The following THSD7B variants were observed in gnomAD, a reference collection of about 807,000 sequenced individuals.
THSD7B encodes thrombospondin type 1 domain containing 7B.
In THSD7B, 138 loss-of-function variants were observed where a neutral mutation model predicts 213.6. The observed-to-expected ratio is 0.65, with a 90% CI of 0.56 to 0.74. The LOEUF (loss-of-function observed/expected upper bound fraction) is 0.74, where lower values mean the gene tolerates loss of function less well. Among genes scored for constraint, THSD7B ranks in the 30% least tolerant of loss-of-function variants. The pLI is 0.00. For missense variants in THSD7B, 1,931 were observed against 1,991.5 expected, an observed-to-expected ratio of 0.97 and a Z score of 0.58; for synonymous variants, 742 against 687.0, an observed-to-expected ratio of 1.08 and a Z score of -1.25.
chr2:136,895,344 T>G (rs978035118), intron 2 of THSD7B, among the ~76,000 whole-genome samples: 5 of 152,010 alleles, frequency 3.3e-5, no homozygotes, highest in Admixed American at 2.6e-4. Context: ...TGAAAAGGTC[T>G]TAGGTTTTCT....
intron 2 of THSD7B, among the ~76,000 whole-genome samples, chr2:136,959,405 C>T (rs895318410): frequency 1.3e-5 from 2 of 152,202 alleles, no homozygotes; most frequent in Non-Finnish European, 2.9e-5. Flanking sequence ...CACTCATGTC[C>T]TTCCTAGTTT....
chr2:136,890,303 C>CAT lies in THSD7B; in HGVS notation c.139+7986_139+7987insAT. Among the ~76,000 whole-genome samples, 2 of 5,162 alleles carry CAT rather than the reference C, an allele frequency of 3.9e-4. 1 individual carries two copies. Among genetic ancestry groups the CAT allele is most frequent in the Non-Finnish European group, 9.8e-4 (2 of 2,048 alleles). 3.4% of individuals were successfully genotyped at this position (5,162 alleles called of 152,430 possible). ...TGCTCATTCATGTCCATGTCCTACT[C>CAT]CTTCTTCTTCTTCTTCTTCTTCTTC... On this transcript the variant is annotated intron_variant, in intron 2 of 27. Coordinates refer to ENST00000409968, the MANE Select transcript of THSD7B (RefSeq NM_001316349.2).
chr2:137,177,336 A>G (rs1406984978), intron 7 of THSD7B, among the ~76,000 whole-genome samples: 1 of 152,094 alleles, frequency 6.6e-6, no homozygotes, highest in Non-Finnish European at 1.5e-5. Flanking sequence ...TCTTATTTTC[A>G]TTTTTTAGTT....
At chr2:137,274,176 C>G (rs1462653425) in intron 11 of THSD7B, among the ~76,000 whole-genome samples, 1 of 152,104 alleles carries the variant, frequency 6.6e-6, no homozygotes, top group African/African-American at 2.4e-5. Flanking sequence ...TGAATCTCTG[C>G]TCCTTAGTGA....
chr2:137,160,837 T>C (rs1242315823), intron 6 of THSD7B, among the ~76,000 whole-genome samples: 1 of 152,170 alleles, frequency 6.6e-6, no homozygotes, highest in Non-Finnish European at 1.5e-5. Context: ...TTTTCCAGGC[T>C]GGTCTCGAAC....
At chr2:137,034,767 A>C (rs1286836151) in intron 2 of THSD7B, among the ~76,000 whole-genome samples, 1 of 151,724 alleles carries the variant, frequency 6.6e-6, no homozygotes. Context: ...AAAGATATGA[A>C]CTCATTCTTT....
rs1364553570 is a variant in THSD7B at position 137,616,308 on chromosome 2, A to G, written c.3557A>G (p.Asn1186Ser). 1 of 1,613,452 alleles carries G rather than the reference A, an allele frequency of 6.2e-7. No homozygotes were observed. The highest frequency in any genetic ancestry group is 2.2e-5 in the East Asian group (1 of 44,860). Residue 1186 changes from asparagine to serine, a missense_variant, in exon 18 of 28, where the codon AAT becomes AGT. Physicochemically the swap from Asn to Ser is conservative, Grantham distance 46 (BLOSUM62 1). Transcript: ENST00000409968. The part of the protein sequence containing the change: ...LNENCFQFQY[N>S]LTEWSTCQLS... ...GAAAATTGCTTCCAGTTCCAGTACA[A>G]TCTAACAGGTACAGTTAAAATCTAT...
At chr2:137,504,446 TC>T (rs1274321593) in intron 15 of THSD7B, among the ~76,000 whole-genome samples, 8 of 152,196 alleles carry the variant, frequency 5.3e-5, no homozygotes, top group Non-Finnish European at 1.2e-4. Context: ...ATTATTCTGC[TC>T]CCATCTAATC....
chr2:136,975,730 ATGGTAGT>A (rs1164746698), intron 2 of THSD7B, among the ~76,000 whole-genome samples: 1 of 152,164 alleles, frequency 6.6e-6, no homozygotes, highest in Non-Finnish European at 1.5e-5. Context: ...AAGAATGTCA[ATGGTAGT>A]TTGATGGAAA....
At chr2:137,036,052 A>G (rs1465365813) in intron 2 of THSD7B, among the ~76,000 whole-genome samples, 2 of 152,162 alleles carry the variant, frequency 1.3e-5, no homozygotes, top group Non-Finnish European at 2.9e-5. Flanking sequence ...AAACACTTAA[A>G]ACAAATGACT....
At chr2:137,235,583 G>C (rs1681745994) in intron 9 of THSD7B, among the ~76,000 whole-genome samples, 1 of 152,036 alleles carries the variant, frequency 6.6e-6, no homozygotes, top group Non-Finnish European at 1.5e-5. Context: ...TTATTACTTT[G>C]AATCACAGTT....
chr2:136,870,294 C>A (rs1282701876), intron 1 of THSD7B, among the ~76,000 whole-genome samples: 3 of 152,132 alleles, frequency 2.0e-5, no homozygotes, highest in Non-Finnish European at 4.4e-5. Context: ...GCTAAAGCTT[C>A]TTCACTGAAG....
chr2:137,354,056 G>C (rs1182226235), intron 12 of THSD7B, among the ~76,000 whole-genome samples: 1 of 151,998 alleles, frequency 6.6e-6, no homozygotes, highest in Non-Finnish European at 1.5e-5. Context: ...GGCTGGCTCT[G>C]CAGACAGAGC....
rs765441029 is a variant in THSD7B, at chr2:137,642,591, C to G, written c.3903C>G (p.Cys1301Trp). ...AGAAAACCTGCCCAGTGACCCCCTG[C>G]TACAGCTGGGTCCTTGGCAACTGGT... The part of the protein sequence containing the change: ...TQEKTCPVTP[C>W]YSWVLGNWSA... Residue 1301 changes from cysteine (C) to tryptophan (W), a missense_variant, in exon 21 of 28, where the codon TGC (cysteine) becomes TGG (tryptophan). By Grantham distance (215) the Cys-to-Trp change is radical. Coordinates refer to ENST00000409968, the MANE Select transcript of THSD7B (RefSeq NM_001316349.2). 2 of 1,613,876 alleles carry G rather than the reference C, an allele frequency of 1.2e-6. No homozygotes were observed. The highest frequency in any genetic ancestry group is 1.7e-6 in the Non-Finnish European group (2 of 1,179,840).
chr2:137,363,426 CA>C (rs905733048), intron 12 of THSD7B, among the ~76,000 whole-genome samples: 10 of 151,990 alleles, frequency 6.6e-5, no homozygotes, highest in African/African-American at 1.9e-4. Context: ...AAAAACCCTT[CA>C]AAAAAATCAA....
chr2:136,903,771 C>T (rs1439821127), intron 2 of THSD7B, among the ~76,000 whole-genome samples: 1 of 152,086 alleles, frequency 6.6e-6, no homozygotes, highest in Non-Finnish European at 1.5e-5. Context: ...TTAAGAAAAC[C>T]CTTTACCAAT....
intron 1 of THSD7B, among the ~76,000 whole-genome samples, chr2:136,798,690 A>T (rs1169396566): frequency 1.3e-5 from 2 of 151,988 alleles, no homozygotes; most frequent in African/African-American, 4.8e-5. Flanking sequence ...ACTGGCCAGT[A>T]AACATTTTTA....
chr2:137,008,367 T>A (rs1686156212), intron 2 of THSD7B, among the ~76,000 whole-genome samples: 1 of 152,008 alleles, frequency 6.6e-6, no homozygotes, highest in South Asian at 2.1e-4. Flanking sequence ...AAGAAGGAAA[T>A]CACTTTTAAC....
At chr2:136,909,052 A>G (rs1180238030) in intron 2 of THSD7B, among the ~76,000 whole-genome samples, 1 of 152,070 alleles carries the variant, frequency 6.6e-6, no homozygotes, top group Non-Finnish European at 1.5e-5. Flanking sequence ...GCATGATGGC[A>G]TGTCCCTGTA....
Sources: allele counts gnomAD v4.1 joint callset (sites outside exome capture counted in the v4.1 genomes callset), GRCh38; gene constraint gnomAD v4.1.1; transcripts MANE v1.5; gene names NCBI Gene and HGNC (gene_info 2026-07-23, HGNC 2026-07-21).